Variants in CTBP2 observed in about 807,000 individuals in gnomAD.
CTBP2 encodes C-terminal binding protein 2, also known as C-terminal-binding protein 2.
In CTBP2, 30 loss-of-function variants were observed where a neutral mutation model predicts 80.3. The observed-to-expected ratio is 0.37, with a 90% confidence interval of 0.28 to 0.51. The LOEUF is 0.51. Ranked by LOEUF, CTBP2 falls within the 20% of genes least tolerant of loss-of-function variation. CTBP2 has a pLI of 0.93. For missense variants in CTBP2, 1,212 were observed against 1,375.3 expected (o/e 0.88, Z 1.88); for synonymous variants, 594 against 587.4 (o/e 1.01, Z -0.16).
At chr10:125,088,741 C>T (rs192200930) in intron 2 of CTBP2, among the ~76,000 whole-genome samples, 3 of 152,278 alleles carry the variant, frequency 2.0e-5, no homozygotes, top group East Asian at 3.9e-4. Flanking sequence ...GTTTTGTTAA[C>T]GGGCATACAA....
Position 125,082,535 on chromosome 10 carries a change from G to A in CTBP2, c.-102+28455C>T, listed in dbSNP as rs185270888. Among the ~76,000 whole-genome samples, 1,005 of 151,426 alleles carry A rather than the reference G, an allele frequency of 6.6e-3. 4 individuals carry two copies. Among genetic ancestry groups the A allele is most frequent in the Admixed American group, 0.013 (194 of 15,250 alleles). On this transcript the variant is annotated intron_variant, in intron 2 of 10. Coordinates refer to the CTBP2 transcript ENST00000337195. ...ACTCCCCCATGAGGAGAGTATGGTG[G>A]CTGCACAAGTCACGTTTGCACACTG...
At chr10:125,157,336 T>C (rs778878206) in intron 1 of CTBP2, among the ~76,000 whole-genome samples, 1 of 139,916 alleles carries the variant, frequency 7.1e-6, no homozygotes, top group Admixed American at 7.5e-5. Flanking sequence ...GGGTTCTGCA[T>C]TCAACCTGCA....
At chr10:125,072,430 C>T (rs1159627178) in intron 2 of CTBP2, among the ~76,000 whole-genome samples, 1 of 152,066 alleles carries the variant, frequency 6.6e-6, no homozygotes, top group Admixed American at 6.6e-5. Flanking sequence ...GCCTTGCCAA[C>T]ATGGTGAAAC....
At position 124,987,568 on chromosome 10, in the gene CTBP2, G is replaced by A. The variant is rs1952086946; in HGVS notation, c.*1950C>T. The stretch of plus-strand genomic sequence containing the variant: ...ATATTTCATTGCCTCTTTGATGAGT[G>A]GTTACGAAGACGTTAAACTACCTTT... On this transcript the variant is annotated 3_prime_UTR_variant, in exon 9 of 9. Coordinates refer to ENST00000309035, the MANE Select transcript of CTBP2 (RefSeq NM_022802.3). 1 of 152,112 alleles carries A rather than the reference G, an allele frequency of 6.6e-6. No homozygotes were observed. The highest frequency in any genetic ancestry group is 2.1e-4 in the South Asian group (1 of 4,818). The allele number at this position is 152,112 out of a possible 1,614,324, so 9.4% of individuals were successfully genotyped here.
At chr10:125,036,999 T>C (rs926918855) in intron 3 of CTBP2, among the ~76,000 whole-genome samples, 1 of 152,142 alleles carries the variant, frequency 6.6e-6, no homozygotes, top group South Asian at 2.1e-4. Context: ...GGAGCTGACA[T>C]ATAGATGGTG....
intron 2 of CTBP2, among the ~76,000 whole-genome samples, chr10:125,059,985 C>A (rs1442862971): frequency 1.3e-5 from 2 of 152,232 alleles, no homozygotes; most frequent in Non-Finnish European, 2.9e-5. Context: ...GAGTCTGACA[C>A]ACCTGAGCCT....
chr10:125,008,665 G>A (rs76065435), intron 1 of CTBP2, among the ~76,000 whole-genome samples: 29 of 152,236 alleles, frequency 1.9e-4, no homozygotes, highest in Non-Finnish European at 3.8e-4. Context: ...AAGCAGCTCC[G>A]AGCTGTACAG....
intron 1 of CTBP2, among the ~76,000 whole-genome samples, chr10:125,132,414 C>T (rs17152670): frequency 0.38 from 57,954 of 152,042 alleles, 11,760 homozygotes; most frequent in African/African-American, 0.52. Flanking sequence ...AGTCTTCCAA[C>T]AGCCTTGTCA....
At chr10:125,055,581 T>A (rs1367878117) in intron 2 of CTBP2, among the ~76,000 whole-genome samples, 1 of 152,080 alleles carries the variant, frequency 6.6e-6, no homozygotes, top group African/African-American at 2.4e-5. Context: ...CAGAGGCTTG[T>A]GGAGTCAGAC....
intron 2 of CTBP2, among the ~76,000 whole-genome samples, chr10:125,095,025 C>A (rs1015231680): frequency 6.6e-6 from 1 of 152,054 alleles, no homozygotes; most frequent in South Asian, 2.1e-4. Context: ...CGCTGTCCTG[C>A]GGATGCTGAT....
chr10:125,127,189 A>G (rs1167129700), intron 1 of CTBP2, among the ~76,000 whole-genome samples: 2 of 152,130 alleles, frequency 1.3e-5, no homozygotes, highest in Non-Finnish European at 2.9e-5. Context: ...CCTTCTAGAT[A>G]CTTCTGTCCA....
rs116889098 is a variant in CTBP2 at position 125,109,874 on chromosome 10, A to G, written c.-102+1116T>C. ...TGCTCAGTCACCAAGCTGGTAAGCA[A>G]TATTTGGAGGTCTAGGTCTGGGTCA... On this transcript the variant is annotated intron_variant, in intron 2 of 10. Coordinates refer to the CTBP2 transcript ENST00000337195. Among the ~76,000 whole-genome samples the G allele has an allele frequency of 5.6e-4, 86 of 152,360 alleles. 1 individual carries two copies. The East Asian group carries it at 0.014, about 25-fold the overall frequency.
At chr10:125,125,555 T>C (rs1855091896) in intron 1 of CTBP2, among the ~76,000 whole-genome samples, 1 of 152,208 alleles carries the variant, frequency 6.6e-6, no homozygotes. Context: ...CTTGCCTTCT[T>C]AGCACCTGAC....
At chr10:125,004,174 G>A (rs1565062726) in intron 1 of CTBP2, among the ~76,000 whole-genome samples, 1 of 152,212 alleles carries the variant, frequency 6.6e-6, no homozygotes, top group Non-Finnish European at 1.5e-5. Flanking sequence ...CCCAGGAAGG[G>A]CCCCAGTGGT....
chr10:125,079,405 C>G (rs1432533232), intron 2 of CTBP2, among the ~76,000 whole-genome samples: 1 of 152,146 alleles, frequency 6.6e-6, no homozygotes, highest in Non-Finnish European at 1.5e-5. Context: ...ATTCATCTGC[C>G]CGGTTGGATC....
intron 1 of CTBP2, among the ~76,000 whole-genome samples, chr10:125,130,544 TC>T (rs1208956884): frequency 2.1e-4 from 32 of 152,198 alleles, no homozygotes; most frequent in Admixed American, 1.2e-3. Context: ...GAAGTTGCGT[TC>T]CCAGCTCAAG....
intron 2 of CTBP2, among the ~76,000 whole-genome samples, chr10:125,082,827 G>A (rs1847380437): frequency 6.6e-6 from 1 of 152,130 alleles, no homozygotes; most frequent in Non-Finnish European, 1.5e-5. Flanking sequence ...GACCTCAAAT[G>A]ATCCGCTCGC....
upstream of CTBP2, among the ~76,000 whole-genome samples, chr10:125,028,733 C>A (rs967437957): frequency 2.0e-5 from 3 of 152,230 alleles, no homozygotes; most frequent in Non-Finnish European, 2.9e-5. Flanking sequence ...AAACCTTACA[C>A]TGCAAAGCAG....
chr10:125,073,296 C>T (rs1027245339), intron 2 of CTBP2, among the ~76,000 whole-genome samples: 18 of 152,224 alleles, frequency 1.2e-4, no homozygotes, highest in South Asian at 2.1e-4. Flanking sequence ...AGTGCAGTGA[C>T]GCCATCTTGG....
Sources: allele counts gnomAD v4.1 joint callset (sites outside exome capture counted in the v4.1 genomes callset), GRCh38; gene constraint gnomAD v4.1.1; transcripts MANE v1.5; gene names NCBI Gene and HGNC (gene_info 2026-07-23, HGNC 2026-07-21).